Variants in REV1 observed in about 807,000 individuals in gnomAD.
REV1 encodes REV1 DNA directed polymerase, also known as translesion synthesis protein REV1.
A neutral mutation model predicts 137.4 loss-of-function variants in REV1; 42 were observed. The observed-to-expected ratio is 0.31, with a 90% CI of 0.24 to 0.40. The LOEUF (loss-of-function observed/expected upper bound fraction) is 0.40, where lower values mean the gene tolerates loss of function less well. Ranked by LOEUF, REV1 falls within the 10% of genes least tolerant of loss-of-function variation. REV1 has a pLI of 1.00. For synonymous variants in REV1, 524 were observed against 519.2 expected (o/e 1.01, Z -0.12); for missense variants, 1,282 against 1,490.1 (o/e 0.86, Z 2.30).
At chr2:99,442,671 A>G (rs1347525685) in intron 4 of REV1, among the ~76,000 whole-genome samples, 1 of 152,172 alleles carries the variant, frequency 6.6e-6, no homozygotes, top group East Asian at 1.9e-4. Flanking sequence ...ACAGAGCTGA[A>G]CTAGTCAATA....
intron 3 of REV1, among the ~76,000 whole-genome samples, chr2:99,450,711 A>T (rs529156079): frequency 6.6e-6 from 1 of 152,358 alleles, no homozygotes; most frequent in South Asian, 2.1e-4. Flanking sequence ...AGGTGAAATT[A>T]ATTTTATTTA....
chr2:99,433,302 AT>A (rs1181070241), intron 8 of REV1, among the ~76,000 whole-genome samples: 1 of 152,218 alleles, frequency 6.6e-6, no homozygotes, highest in Non-Finnish European at 1.5e-5. Flanking sequence ...GACACACAAA[AT>A]TCTAGAATCT....
chr2:99,430,105 A>C (rs1679928054), intron 8 of REV1, among the ~76,000 whole-genome samples, 157 bp from the exon 9 acceptor site: 2 of 152,174 alleles, frequency 1.3e-5, no homozygotes, highest in South Asian at 2.1e-4. Context: ...TAATAAAAGA[A>C]AACTCTAAAA....
chr2:99,474,409 T>C (rs1320128741), intron 1 of REV1, among the ~76,000 whole-genome samples: 1 of 152,200 alleles, frequency 6.6e-6, no homozygotes, highest in Non-Finnish European at 1.5e-5. Context: ...AAAATAATAA[T>C]GGTATCAATA....
intron 11 of REV1, 150 bp from the exon 12 acceptor site, chr2:99,419,097 G>A (rs931680248): frequency 2.0e-5 from 14 of 690,060 alleles, no homozygotes; most frequent in South Asian, 4.5e-5. Context: ...ATTTTGCTAA[G>A]TATTTAGATT....
At chr2:99,432,896 G>A (rs1680294825) in intron 8 of REV1, among the ~76,000 whole-genome samples, 1 of 152,110 alleles carries the variant, frequency 6.6e-6, no homozygotes, top group South Asian at 2.1e-4. Context: ...GACAAAAGAG[G>A]ACTAGCTCTC....
rs1379720801 is a variant in REV1, at chr2:99,403,615, TA to T, written c.3166+79del. 2.5e-6 allele frequency: 4 copies of T among 1,592,858 alleles called. No homozygotes were observed. In the African/African-American group the frequency reaches 5.4e-5, roughly 21 times the overall value. On this transcript the variant is annotated intron_variant, in intron 19 of 22. Transcript: ENST00000258428. ...ATGCAACAGCTTAGACTTTGCCCAT[TA>T]TATACTGCAATAATTAGACAACAGT...
At chr2:99,465,099 A>AAGTC (rs1553564446) in intron 1 of REV1, 114 bp from the exon 2 acceptor site, 2 of 853,386 alleles carry the variant, frequency 2.3e-6, no homozygotes, top group Non-Finnish European at 3.7e-6. Context: ...CCAACTGATG[A>AAGTC]AAGTATACAA....
intron 1 of REV1, among the ~76,000 whole-genome samples, chr2:99,471,253 G>A (rs1378281205): frequency 3.3e-5 from 5 of 152,144 alleles, no homozygotes; most frequent in African/African-American, 1.2e-4. Context: ...TGACAACTAA[G>A]GAACTGGTTA....
In REV1 at chr2:99,428,991, C is replaced by CAA. The variant is rs762850171; in HGVS notation, c.1547+847_1547+848dup. Among the ~76,000 whole-genome samples, 170 of 63,622 alleles carry CAA rather than the reference C, an allele frequency of 2.7e-3. No homozygotes were observed. In the East Asian group the frequency reaches 0.037, roughly 14 times the overall value. 41.7% of individuals were successfully genotyped at this position (63,622 alleles called of 152,430 possible). A position where few individuals can be genotyped will look rare whatever the true frequency, so the allele number is the denominator to read the frequency against. Reference sequence around the variant, plus strand: ...TGGGTGACAGAGCGAGACTCCGTCTCAAAAAAAAAAAAAAAAAAAAAGATG... The same window carrying CAA: ...TGGGTGACAGAGCGAGACTCCGTCTCAAAAAAAAAAAAAAAAAAAAAAAGATG... On this transcript the variant is annotated intron_variant, in intron 9 of 22. Coordinates refer to ENST00000258428, the MANE Select transcript of REV1 (RefSeq NM_016316.4).
intron 5 of REV1, among the ~76,000 whole-genome samples, chr2:99,439,669 T>C (rs1272587147): frequency 6.6e-6 from 1 of 152,222 alleles, no homozygotes; most frequent in Non-Finnish European, 1.5e-5. Context: ...CAAAAAACTT[T>C]TCAGTTATTT....
intron 8 of REV1, chr2:99,431,972 A>G (rs1680182027): frequency 1.2e-6 from 1 of 854,498 alleles, no homozygotes; most frequent in Non-Finnish European, 1.4e-6. Context: ...GAATAAATCT[A>G]TGACTAATAC....
intron 3 of REV1, among the ~76,000 whole-genome samples, chr2:99,458,024 A>G (rs1575166404): frequency 6.6e-6 from 1 of 152,166 alleles, no homozygotes; most frequent in African/African-American, 2.4e-5. Flanking sequence ...ATAGAAGAAA[A>G]CATTTGGGAT....
intron 3 of REV1, among the ~76,000 whole-genome samples, chr2:99,460,590 T>C (rs1684072324): frequency 6.6e-6 from 1 of 152,164 alleles, no homozygotes; most frequent in African/African-American, 2.4e-5. Context: ...ATCTAAAGAG[T>C]TATTTTTACT....
chr2:99,470,237 T>C (rs958997108), intron 1 of REV1, among the ~76,000 whole-genome samples: 29 of 152,298 alleles, frequency 1.9e-4, no homozygotes, highest in African/African-American at 6.7e-4. Context: ...AATGTTCAAA[T>C]GTTCAGTGTT....
intron 1 of REV1, among the ~76,000 whole-genome samples, chr2:99,487,003 T>C (rs566004538): frequency 2.0e-5 from 3 of 152,282 alleles, no homozygotes; most frequent in South Asian, 4.1e-4. Context: ...AGGAAGGGGC[T>C]GGTTCCTATT....
chr2:99,441,175 C>T (rs990761510), intron 5 of REV1, among the ~76,000 whole-genome samples: 1 of 151,916 alleles, frequency 6.6e-6, no homozygotes, highest in African/African-American at 2.4e-5. Flanking sequence ...CTTGATAGCA[C>T]ATTAAAAAAA....
intron 6 of REV1, 105 bp downstream of exon 6, chr2:99,438,496 A>C (rs1034560479): frequency 2.6e-6 from 2 of 768,880 alleles, no homozygotes; most frequent in Non-Finnish European, 4.2e-6. Context: ...ATACTTAGAG[A>C]CTTTTATGAG....
chr2:99,489,566 CGGAAGGGAAGG>C (rs1559437914), intron 1 of REV1, among the ~76,000 whole-genome samples: 1 of 148,514 alleles, frequency 6.7e-6, no homozygotes, highest in African/African-American at 2.4e-5. Flanking sequence ...CGCGCCATGA[CGGAAGGGAAGG>C]GGAGGGGAGG....
Sources: allele counts gnomAD v4.1 joint callset (sites outside exome capture counted in the v4.1 genomes callset), GRCh38; gene constraint gnomAD v4.1.1; transcripts MANE v1.5; gene names NCBI Gene and HGNC (gene_info 2026-07-23, HGNC 2026-07-21).